TXK: variants seen among roughly 807,000 people sequenced by gnomAD.
The protein encoded by TXK is tyrosine-protein kinase TXK.
TXK carries 60 observed loss-of-function variants against 81.0 expected under a neutral mutation model. That is an observed-to-expected ratio of 0.74 (90% confidence interval 0.60 to 0.92). The LOEUF (loss-of-function observed/expected upper bound fraction) is 0.92. Among genes scored for constraint, TXK ranks in the 40% least tolerant of loss-of-function variants. TXK has a pLI of 0.00. For synonymous variants in TXK, 203 were observed against 210.7 expected, an observed-to-expected ratio of 0.96 and a Z score of 0.32; for missense variants, 581 against 638.3, an observed-to-expected ratio of 0.91 and a Z score of 0.97.
intron 1 of TXK, among the ~76,000 whole-genome samples, chr4:48,128,557 C>T (rs946415045): frequency 1.5e-5 from 2 of 136,512 alleles, no homozygotes; most frequent in Non-Finnish European, 3.1e-5. Context: ...CCCACCACTA[C>T]ATCCTTTTTT....
At chr4:48,130,200 G>A (rs1032139392) in intron 1 of TXK, among the ~76,000 whole-genome samples, 3 of 152,156 alleles carry the variant, frequency 2.0e-5, no homozygotes, top group Admixed American at 6.5e-5. Context: ...TTTAATCTGC[G>A]GCTTCTCCTG....
chr4:48,132,900 C>T (rs1304394216), intron 1 of TXK, among the ~76,000 whole-genome samples: 4 of 151,130 alleles, frequency 2.6e-5, no homozygotes, highest in South Asian at 2.1e-4. Flanking sequence ...GAGCTGAGAT[C>T]GTGCCACTGC....
intron 1 of TXK, among the ~76,000 whole-genome samples, chr4:48,130,488 G>A (rs371610788): frequency 1.7e-4 from 26 of 152,244 alleles, no homozygotes; most frequent in South Asian, 6.2e-4. Flanking sequence ...CAAAGCAGCC[G>A]GCGATGCAGG....
chr4:48,103,027 A>C (rs1001236079), intron 6 of TXK, among the ~76,000 whole-genome samples: 5 of 152,200 alleles, frequency 3.3e-5, no homozygotes, highest in African/African-American at 1.2e-4. Context: ...GGTGGGCTTC[A>C]ACTGTATCTG....
At chr4:48,120,233 A>G (rs1173960030) in intron 1 of TXK, among the ~76,000 whole-genome samples, 1 of 121,702 alleles carries the variant, frequency 8.2e-6, no homozygotes, top group African/African-American at 2.6e-5. Context: ...ATACGTATAT[A>G]TGTATATACG....
rs1577652445 is a variant in TXK at position 48,080,705 on chromosome 4, A to ACACACAC, written c.957-578_957-577insGTGTGTG. ...ACACACACACACACACACACACACA[A>ACACACAC]AGACTTGAATGTTGCCTATTAAAAT... On this transcript the variant is annotated intron_variant, in intron 10 of 14. Coordinates refer to ENST00000264316, the MANE Select transcript of TXK (RefSeq NM_003328.3). Among the ~76,000 whole-genome samples the ACACACAC allele has an allele frequency of 6.7e-5, 6 of 89,100 alleles. No homozygotes were observed. The East Asian group carries it at 2.1e-3, about 32-fold the overall frequency. 58.5% of individuals were successfully genotyped at this position (89,100 alleles called of 152,430 possible).
rs1339970641 is a variant in TXK, at chr4:48,105,016, C to T, written c.447-61G>A. The T allele has an allele frequency of 2.1e-5, 24 of 1,139,620 alleles. No individual in the cohort carries two copies. In the Admixed American group the frequency reaches 5.6e-4, roughly 26 times the overall value. The allele number at this position is 1,139,620 out of a possible 1,614,324, so 70.6% of individuals were successfully genotyped here. On this transcript the variant is annotated intron_variant, in intron 5 of 14. Transcript: ENST00000264316. The stretch of plus-strand genomic sequence containing the variant: ...ATTCAATTTTTTTAAGAAAAAAGTG[C>T]TTCATTTTCTTCATTTTTAAGAACT...
rs924737090 is a variant in TXK at position 48,085,407 on chromosome 4, G to GA, written c.956+1058dup. Among the ~76,000 whole-genome samples the GA allele has an allele frequency of 1.1e-3, 163 of 146,558 alleles. 3 individuals carry two copies. The South Asian group carries it at 0.019, about 17-fold the overall frequency. Reference sequence around the variant, plus strand: ...CCATCATTTCTGCTTCTGGGAAAAGGAAAAAAAAAAGAGTACTTGTAAAGC... The same window carrying GA: ...CCATCATTTCTGCTTCTGGGAAAAGGAAAAAAAAAAAGAGTACTTGTAAAGC... On this transcript the variant is annotated intron_variant, in intron 10 of 14. Transcript: ENST00000264316.
chr4:48,102,239 G>A (rs2940328), intron 6 of TXK, among the ~76,000 whole-genome samples: 119,682 of 152,086 alleles, frequency 0.79, 47,469 homozygotes, highest in African/African-American at 0.88. Context: ...TCGGCCTCCC[G>A]AAGTGCTGGG....
intron 6 of TXK, among the ~76,000 whole-genome samples, chr4:48,098,779 T>C (rs185477554): frequency 1.3e-5 from 2 of 152,094 alleles, no homozygotes; most frequent in East Asian, 1.9e-4. Context: ...CTGGCCAACA[T>C]AGCAAAACTC....
In TXK at chr4:48,079,993, C is replaced by G; in HGVS notation, c.1092G>C (p.Lys364Asn). The change falls in exon 11 of 15, where the codon AAG (lysine) becomes AAC (asparagine). Residue 364 changes from lysine (K) to asparagine (N), a missense_variant. By Grantham distance (94) the Lys-to-Asn change is moderately conservative. Transcript: ENST00000264316. ...CCTGGCATACACTCAGTAGCATTTC[C>G]TTCCTAAGCTTTCCTTTATTCTCCC... ...YLRENKGKLR[K>N]EMLLSVCQDI... is the part of the protein sequence containing the mutation. 6.2e-7 allele frequency: 1 copy of G among 1,614,038 alleles called. No individual in the cohort carries two copies. Among genetic ancestry groups the G allele is most frequent in the Non-Finnish European group, 8.5e-7 (1 of 1,179,984 alleles).
At chr4:48,100,017 A>G (rs1192954516) in intron 6 of TXK, among the ~76,000 whole-genome samples, 1 of 151,338 alleles carries the variant, frequency 6.6e-6, no homozygotes, top group African/African-American at 2.4e-5. Context: ...CTAAAAATAC[A>G]AAAAATTAGC....
chr4:48,113,178 C>T, intron 3 of TXK, 29 bp downstream of exon 3: 1 of 1,544,032 alleles, frequency 6.5e-7, no homozygotes, highest in Non-Finnish European at 8.9e-7. Context: ...CTTCTCCATT[C>T]CCCTCTTGCC....
rs1474551769 is a variant in TXK at position 48,086,466 on chromosome 4, A to G, written c.956T>C (p.Met319Thr). The G allele has an allele frequency of 1.2e-6, 2 of 1,613,934 alleles. No individual in the cohort carries two copies. The highest frequency in any genetic ancestry group is 1.7e-6 in the Non-Finnish European group (2 of 1,179,930). The change falls in exon 10 of 15, where the codon ATG becomes ACG. Residue 319 changes from methionine to threonine, a missense_variant and splice_region_variant. Coordinates refer to ENST00000264316, the MANE Select transcript of TXK (RefSeq NM_003328.3). The part of the protein sequence containing the change: ...EDFIEEAKVM[M>T]KLSHSKLVQL... ...TTATCAGGGTGTTGTTTATACGTAC[A>G]TCATCACTTTGGCCTCTTCAATGAA...
intron 5 of TXK, chr4:48,109,267 T>C (rs1718558019): frequency 6.6e-6 from 1 of 151,762 alleles, no homozygotes; most frequent in Non-Finnish European, 1.5e-5. Flanking sequence ...GCTCAAGCAA[T>C]TCTCCCACCT....
intron 3 of TXK, 81 bp from the exon 4 acceptor site, chr4:48,112,593 C>A: frequency 7.1e-7 from 1 of 1,410,978 alleles, no homozygotes; most frequent in Non-Finnish European, 9.5e-7. Flanking sequence ...GCATATTTGC[C>A]TTCTGCCTCA....
intron 1 of TXK, among the ~76,000 whole-genome samples, chr4:48,130,429 G>A (rs1719221417): frequency 1.3e-5 from 2 of 152,258 alleles, no homozygotes; most frequent in East Asian, 1.9e-4. Context: ...ATGGTGCCTC[G>A]GTTTCTCGTG....
At chr4:48,132,499 A>G (rs1719270355) in intron 1 of TXK, among the ~76,000 whole-genome samples, 2 of 152,186 alleles carry the variant, frequency 1.3e-5, no homozygotes, top group Admixed American at 6.5e-5. Flanking sequence ...GCATTTGTGG[A>G]TCACAGTTGG....
chr4:48,076,126 TCA>T (rs1717059908), intron 12 of TXK, among the ~76,000 whole-genome samples: 1 of 152,224 alleles, frequency 6.6e-6, no homozygotes, highest in South Asian at 2.1e-4. Context: ...TTCACGTTTC[TCA>T]GTGTATCAAG....
Sources: allele counts gnomAD v4.1 joint callset (sites outside exome capture counted in the v4.1 genomes callset), GRCh38; gene constraint gnomAD v4.1.1; transcripts MANE v1.5; gene names NCBI Gene and HGNC (gene_info 2026-07-23, HGNC 2026-07-21).